Variants in LRRC1 observed in about 807,000 individuals in gnomAD.
LRRC1 encodes the protein leucine rich repeat containing 1.
LRRC1 carries 28 observed loss-of-function variants against 69.9 expected under a neutral mutation model. The observed-to-expected ratio is 0.40, with a 90% CI of 0.30 to 0.55. The LOEUF (loss-of-function observed/expected upper bound fraction) is 0.55. LRRC1 is among the 20% of genes least tolerant of loss of function. The pLI is 0.47. For missense variants in LRRC1, 498 were observed against 609.0 expected (o/e 0.82, Z 1.92); for synonymous variants, 236 against 240.2 (o/e 0.98, Z 0.16).
chr6:53,796,216 C>T (rs1425156986), intron 1 of LRRC1, among the ~76,000 whole-genome samples: 1 of 152,254 alleles, frequency 6.6e-6, no homozygotes, highest in African/African-American at 2.4e-5. Context: ...GTTATCTCTT[C>T]AGAGTTGTTT....
intron 1 of LRRC1, among the ~76,000 whole-genome samples, chr6:53,813,743 G>A (rs1185443167): frequency 6.6e-6 from 1 of 152,112 alleles, no homozygotes; most frequent in African/African-American, 2.4e-5. Context: ...CAGGTCCTAG[G>A]ACTGTGGCAG....
At chr6:53,878,887 G>A (rs1282547398) in intron 2 of LRRC1, 106 bp from the exon 3 acceptor site, 3 of 645,758 alleles carry the variant, frequency 4.6e-6, no homozygotes, top group Non-Finnish European at 8.3e-6. Flanking sequence ...TGTTTGAATG[G>A]AGGTAGGAAT....
chr6:53,824,408 A>G (rs1435056319), intron 1 of LRRC1, among the ~76,000 whole-genome samples: 1 of 152,016 alleles, frequency 6.6e-6, no homozygotes, highest in Non-Finnish European at 1.5e-5. Flanking sequence ...AGATGCATAG[A>G]TTGCAACAAT....
At chr6:53,878,886 G>A (rs1397722134) in intron 2 of LRRC1, 107 bp from the exon 3 acceptor site, 1 of 640,284 alleles carries the variant, frequency 1.6e-6, no homozygotes. Context: ...ATGTTTGAAT[G>A]GAGGTAGGAA....
intron 4 of LRRC1, among the ~76,000 whole-genome samples, chr6:53,894,391 G>A (rs1767800543): frequency 6.6e-6 from 1 of 152,240 alleles, no homozygotes; most frequent in Non-Finnish European, 1.5e-5. Context: ...GAGCATGGCT[G>A]TGGAAACTTG....
intron 3 of LRRC1, among the ~76,000 whole-genome samples, chr6:53,881,922 T>A (rs1767302801): frequency 1.3e-5 from 2 of 152,244 alleles, no homozygotes; most frequent in African/African-American, 4.8e-5. Flanking sequence ...TTTTAAATCA[T>A]GATTTTATTT....
chr6:53,850,964 C>A (rs1766109014), intron 2 of LRRC1, among the ~76,000 whole-genome samples: 1 of 152,090 alleles, frequency 6.6e-6, no homozygotes, highest in South Asian at 2.1e-4. Context: ...TCTATCAACA[C>A]TCTATGGCCA....
chr6:53,868,880 C>T (rs986555931), intron 2 of LRRC1, among the ~76,000 whole-genome samples: 2 of 152,214 alleles, frequency 1.3e-5, no homozygotes, highest in Non-Finnish European at 2.9e-5. Flanking sequence ...CATGCCTGTG[C>T]TTCTCCTTTG....
At chr6:53,911,905 A>G (rs1037522946) in intron 10 of LRRC1, among the ~76,000 whole-genome samples, 4 of 152,192 alleles carry the variant, frequency 2.6e-5, no homozygotes, top group African/African-American at 9.7e-5. Context: ...GGGAGGGAGA[A>G]TATGCTCAGC....
intron 4 of LRRC1, chr6:53,884,244 C>T (rs1767396123): frequency 2.2e-5 from 10 of 464,022 alleles, no homozygotes; most frequent in South Asian, 1.9e-4. Context: ...GTGGCTCACA[C>T]CTGTAATGCC....
chr6:53,817,301 T>TA (rs1456894215), intron 1 of LRRC1, among the ~76,000 whole-genome samples: 2 of 152,096 alleles, frequency 1.3e-5, no homozygotes, highest in Non-Finnish European at 2.9e-5. Flanking sequence ...TTTTCTTATT[T>TA]AAAAAAATTA....
At position 53,920,590 on chromosome 6, in the gene LRRC1, G is replaced by A. The variant is rs752719232; in HGVS notation, c.1280-35G>A. ...ATAGCATTTACTGATCACATGAAAC[G>A]CAATTCCCTGCTTATGTGGTCTTTG... On this transcript the variant is annotated intron_variant, in intron 12 of 13. Coordinates refer to ENST00000370888, the MANE Select transcript of LRRC1 (RefSeq NM_018214.5). 2.1e-5 allele frequency: 34 copies of A among 1,613,396 alleles called. No homozygotes were observed. In the Admixed American group the frequency reaches 3.5e-4, roughly 17 times the overall value.
chr6:53,899,651 C>G, intron 7 of LRRC1, 96 bp from the exon 8 acceptor site: 2 of 1,226,228 alleles, frequency 1.6e-6, no homozygotes, highest in Non-Finnish European at 2.3e-6. Context: ...TCCTTAGGAC[C>G]GCCCTGGGAT....
At chr6:53,820,695 T>TA (rs1248093609) in intron 1 of LRRC1, among the ~76,000 whole-genome samples, 1 of 152,072 alleles carries the variant, frequency 6.6e-6, no homozygotes, top group Non-Finnish European at 1.5e-5. Context: ...ATGTTGTATT[T>TA]AAGGACATGG....
intron 8 of LRRC1, among the ~76,000 whole-genome samples, chr6:53,901,957 ACT>A (rs921927589): frequency 3.3e-5 from 5 of 152,194 alleles, no homozygotes; most frequent in African/African-American, 1.2e-4. Flanking sequence ...TGTGTTAGCC[ACT>A]CAGTAGAGAA....
At chr6:53,865,005 C>T (rs1766651712) in intron 2 of LRRC1, among the ~76,000 whole-genome samples, 1 of 152,124 alleles carries the variant, frequency 6.6e-6, no homozygotes, top group African/African-American at 2.4e-5. Flanking sequence ...TGCGTGTGCA[C>T]TCTTGATACC....
chr6:53,839,509 C>G lies in LRRC1; in HGVS notation c.160-2601C>G, dbSNP rs142870045. 2.2e-3 allele frequency among the ~76,000 whole-genome samples: 329 copies of G among 152,224 alleles called. 1 individual carries two copies. The highest frequency in any genetic ancestry group is 7.4e-3 in the African/African-American group (309 of 41,542). On this transcript the variant is annotated intron_variant, in intron 1 of 13. Transcript: ENST00000370888. ...TTAGTGTGACAGTGAAAAACAGCAG[C>G]CTCTTGCCTCCTTCCCCACTCCGGT...
chr6:53,820,122 T>A (rs1363629781), intron 1 of LRRC1, among the ~76,000 whole-genome samples: 3 of 152,102 alleles, frequency 2.0e-5, no homozygotes, highest in Non-Finnish European at 4.4e-5. Flanking sequence ...ATTAGCTTCA[T>A]TGCAGCTGCC....
chr6:53,901,687 C>G (rs138947815), intron 8 of LRRC1, among the ~76,000 whole-genome samples: 1 of 152,262 alleles, frequency 6.6e-6, no homozygotes, highest in East Asian at 1.9e-4. Context: ...TGAGATGTTT[C>G]GGTGCTTGGC....
Sources: allele counts gnomAD v4.1 joint callset (sites outside exome capture counted in the v4.1 genomes callset), GRCh38; gene constraint gnomAD v4.1.1; transcripts MANE v1.5; gene names NCBI Gene and HGNC (gene_info 2026-07-23, HGNC 2026-07-21).